The following GNAS variants were observed in gnomAD, a reference collection of about 807,000 sequenced individuals.
GNAS encodes protein ALEX.
In GNAS, 8 loss-of-function variants were observed where a neutral mutation model predicts 54.5. That is an observed-to-expected ratio of 0.15 (90% confidence interval 0.09 to 0.26). GNAS has a LOEUF of 0.26. Ranked by LOEUF, GNAS falls within the 10% of genes least tolerant of loss-of-function variation. GNAS has a pLI of 1.00. For missense variants in GNAS, 170 were observed against 529.8 expected, an observed-to-expected ratio of 0.32 and a Z score of 6.67; for synonymous variants, 204 against 191.4, an observed-to-expected ratio of 1.07 and a Z score of -0.54.
At chr20:58,908,209 C>T (rs1364711498) in intron 6 of GNAS, among the ~76,000 whole-genome samples, 1 of 152,210 alleles carries the variant, frequency 6.6e-6, no homozygotes, top group East Asian at 1.9e-4. Flanking sequence ...CCAATCTCTA[C>T]ATGCCCCTCC....
intron 1 of GNAS, among the ~76,000 whole-genome samples, chr20:58,871,873 C>G (rs528343936): frequency 6.6e-6 from 1 of 152,286 alleles, no homozygotes; most frequent in South Asian, 2.1e-4. Flanking sequence ...AGGAGAGGAT[C>G]AGGTTGCAAG....
Position 58,857,865 on chromosome 20 carries a change from G to C in GNAS, c.43+16979G>C, listed in dbSNP as rs796548821. 9.9e-5 allele frequency among the ~76,000 whole-genome samples: 15 copies of C among 152,278 alleles called. No individual in the cohort carries two copies. Among genetic ancestry groups the C allele is most frequent in the African/African-American group, 3.4e-4 (14 of 41,564 alleles). ...AAAGGAAATTTGCTGGGGTCACCTT[G>C]TACCTTGTCCTGGCTTTGTTCTCGG... On this transcript the variant is annotated intron_variant, in intron 1 of 12. Coordinates refer to the GNAS transcript ENST00000306090. This position sits in a 1 kb window ranked among gnomAD's most constrained non-coding sequence, Gnocchi z 4.1.
intron 1 of GNAS, among the ~76,000 whole-genome samples, chr20:58,864,592 A>C (rs1283326262): frequency 6.6e-6 from 1 of 152,208 alleles, no homozygotes; most frequent in Non-Finnish European, 1.5e-5. Context: ...ATGGTGAGAC[A>C]GTATAAGGCA....
chr20:58,872,348 T>TA (rs11481552), intron 1 of GNAS, among the ~76,000 whole-genome samples: 56,355 of 150,038 alleles, frequency 0.38, 10,917 homozygotes, highest in East Asian at 0.66. Context: ...TCTAGTTCTT[T>TA]AAAAAAAAAA....
rs1343665095 is a variant in GNAS at position 58,895,625 on chromosome 20, T to C, written c.153T>C (p.Ser51=). The part of the protein sequence containing the change: ...HRLLLLGAGE[S]GKSTIVKQMR... ...TTCATTTTCTAGGTGCTGGAGAATC[T>C]GGTAAAAGCACCATTGTGAAGCAGA... Residue 51 remains serine (S), a synonymous_variant, in exon 2 of 13, where the codon TCT becomes TCC. Coordinates refer to ENST00000371085, the MANE Select transcript of GNAS (RefSeq NM_000516.7). The C allele has an allele frequency of 6.2e-7, 1 of 1,600,646 alleles. No homozygotes were observed. Among genetic ancestry groups the C allele is most frequent in the Admixed American group, 1.7e-5 (1 of 60,006 alleles).
At chr20:58,890,716 G>T (rs542465504), upstream of GNAS, 1 of 152,234 alleles carries the variant, frequency 6.6e-6, no homozygotes, top group East Asian at 2.0e-4. Flanking sequence ...CGGCGCCGGG[G>T]GCGCGAGGAG....
intron 1 of GNAS, among the ~76,000 whole-genome samples, chr20:58,864,492 A>T (rs2086934810): frequency 6.6e-6 from 1 of 152,168 alleles, no homozygotes; most frequent in Non-Finnish European, 1.5e-5. Flanking sequence ...CCTTTTGCCC[A>T]CTGCCCCCCA....
At chr20:58,887,433 T>A (rs1413132672), upstream of GNAS, among the ~76,000 whole-genome samples, 1 of 152,160 alleles carries the variant, frequency 6.6e-6, no homozygotes, top group Non-Finnish European at 1.5e-5. Context: ...ATCAAGCGGT[T>A]CTAATTTAGG....
At chr20:58,878,944 G>A (rs2088033215) in intron 1 of GNAS, among the ~76,000 whole-genome samples, 1 of 151,920 alleles carries the variant, frequency 6.6e-6, no homozygotes, top group African/African-American at 2.4e-5. Flanking sequence ...CAGATGTAGA[G>A]GTTTGCAGAG....
At chr20:58,881,545 C>G (rs977080641) in intron 1 of GNAS, among the ~76,000 whole-genome samples, 3 of 152,174 alleles carry the variant, frequency 2.0e-5, no homozygotes, top group African/African-American at 7.2e-5. Flanking sequence ...TGGCCTTGGA[C>G]ATTTCAGAGT....
chr20:58,902,053 T>A (rs527502510), intron 3 of GNAS, among the ~76,000 whole-genome samples: 39 of 152,086 alleles, frequency 2.6e-4, no homozygotes, highest in African/African-American at 9.4e-4. Context: ...TTAAAAAATA[T>A]ATATATACAA....
chr20:58,861,444 A>T (rs1473355406), intron 1 of GNAS, among the ~76,000 whole-genome samples: 2 of 152,182 alleles, frequency 1.3e-5, no homozygotes, highest in African/African-American at 4.8e-5. Context: ...ACCTTCACAG[A>T]TTTCATTAAA....
At chr20:58,900,179 C>G (rs1037118530) in intron 3 of GNAS, 25 of 575,342 alleles carry the variant, frequency 4.3e-5, no homozygotes, top group Non-Finnish European at 6.2e-5. Context: ...GACAACTATC[C>G]AAAAAGGCAT....
In GNAS at chr20:58,841,234, T is replaced by C. The variant is rs2085709656; in HGVS notation, c.43+348T>C. 1.2e-6 allele frequency: 1 copy of C among 848,096 alleles called. No homozygotes were observed. The highest frequency in any genetic ancestry group is 1.5e-6 in the Non-Finnish European group (1 of 660,824). The allele number at this position is 848,096 out of a possible 1,614,324, so 52.5% of individuals were successfully genotyped here. A position where few individuals can be genotyped will look rare whatever the true frequency, so the allele number is the denominator to read the frequency against. ...CCAAACGGCATTGGTAAGTCACTTGTTTTGCGCGCTTTTCTTCCTCCTAGA... is the reference window on the plus strand; with the variant it reads ...CCAAACGGCATTGGTAAGTCACTTGCTTTGCGCGCTTTTCTTCCTCCTAGA... On this transcript the variant is annotated intron_variant, in intron 1 of 12. Transcript: ENST00000306090. The surrounding 1 kb of genome is among the most constrained non-coding windows in gnomAD (Gnocchi z 5.0).
At chr20:58,855,446 C>T (rs942826596) in intron 1 of GNAS, 7 of 971,084 alleles carry the variant, frequency 7.2e-6, no homozygotes, top group African/African-American at 1.6e-5. Context: ...GGGGTCCAGC[C>T]AAAGGCGGGA....
intron 1 of GNAS, among the ~76,000 whole-genome samples, chr20:58,893,088 T>G (rs1216202789): frequency 8.3e-6 from 1 of 120,532 alleles, no homozygotes. Flanking sequence ...TTTTTTTTTT[T>G]TGTCCTCCTC....
intron 1 of GNAS, among the ~76,000 whole-genome samples, chr20:58,866,924 G>C (rs2087104815): frequency 6.6e-6 from 1 of 152,078 alleles, no homozygotes; most frequent in Non-Finnish European, 1.5e-5. Context: ...TTACTATCAG[G>C]ATTTCTTTAG....
rs573463369 is a variant in GNAS at position 58,856,903 on chromosome 20, T to C, written c.43+16017T>C. 1 of 149,960 alleles carries C rather than the reference T, an allele frequency of 6.7e-6. No homozygotes were observed. The highest frequency in any genetic ancestry group is 1.5e-5 in the Non-Finnish European group (1 of 67,538). 9.3% of individuals were successfully genotyped at this position (149,960 alleles called of 1,614,324 possible). A position where few individuals can be genotyped will look rare whatever the true frequency, so the allele number is the denominator to read the frequency against. On this transcript the variant is annotated intron_variant, in intron 1 of 12. Transcript: ENST00000306090. This position sits in a 1 kb window ranked among gnomAD's most constrained non-coding sequence, Gnocchi z 4.2. Reference sequence around the variant, plus strand: ...TCTCCTGTATCTCCCAGTCTTTCCCTGGCCATTCCCAGTTCCCCACCCTCC... The same window carrying C: ...TCTCCTGTATCTCCCAGTCTTTCCCCGGCCATTCCCAGTTCCCCACCCTCC...
upstream of GNAS, chr20:58,888,838 G>C (rs1191547569): frequency 6.5e-6 from 1 of 152,760 alleles, no homozygotes; most frequent in Non-Finnish European, 1.5e-5. Context: ...CGCACAGCAG[G>C]GGTAAGCGCC....
Sources: allele counts gnomAD v4.1 joint callset (sites outside exome capture counted in the v4.1 genomes callset), GRCh38; gene constraint gnomAD v4.1.1; non-coding constraint Gnocchi (gnomAD v3.1); transcripts MANE v1.5; gene names NCBI Gene and HGNC (gene_info 2026-07-23, HGNC 2026-07-21).